CHST5: variants seen among roughly 807,000 people sequenced by gnomAD.
CHST5 encodes the protein carbohydrate sulfotransferase 5.
For missense variants in CHST5, 637 were observed against 602.1 expected (o/e 1.06, Z -0.61); for synonymous variants, 313 against 279.2 (o/e 1.12, Z -1.21).
At chr16:75,532,551 C>A (rs1020708854) in intron 3 of CHST5, among the ~76,000 whole-genome samples, 3 of 152,252 alleles carry the variant, frequency 2.0e-5, no homozygotes, top group Middle Eastern at 3.4e-3. Context: ...CGCCTCAATG[C>A]GGGGACAGGA....
At position 75,531,347 on chromosome 16, in the gene CHST5, A is replaced by C. The variant is rs908020129; in HGVS notation, c.-963T>G. The C allele has an allele frequency of 6.6e-6, 7 of 1,056,426 alleles. No individual in the cohort carries two copies. Among genetic ancestry groups the C allele is most frequent in the East Asian group, 2.1e-4 (2 of 9,382 alleles). 65.4% of individuals were successfully genotyped at this position (1,056,426 alleles called of 1,614,324 possible). ...AAAAAAAAAAAAAAAACAACAAAAA[A>C]AAAACTTTTGTCATTAAAGATAAAC... On this transcript the variant is annotated 5_prime_UTR_variant, in exon 4 of 4. Transcript: ENST00000336257.
chr16:75,535,951 C>T (rs1236031057), intron 1 of CHST5, among the ~76,000 whole-genome samples, 93 bp downstream of exon 1: 1 of 152,228 alleles, frequency 6.6e-6, no homozygotes, highest in Non-Finnish European at 1.5e-5. Flanking sequence ...TCTTGGCCCT[C>T]CTCGCTCTTG....
rs534955097 is a variant in CHST5 at position 75,530,058 on chromosome 16, C to T, written c.327G>A (p.Thr109=). The T allele has an allele frequency of 5.0e-6, 8 of 1,613,286 alleles. No homozygotes were observed. In the East Asian group the frequency reaches 8.9e-5, roughly 18 times the overall value. The change falls in exon 4 of 4, where the codon ACG becomes ACA. Residue 109 remains threonine (T), a synonymous_variant. Transcript: ENST00000336257. The part of the protein sequence containing the change: ...WTTLSQGSAA[T]LHMAVRDLMR... ...TCAGGTCGCGCACGGCCATGTGCAG[C>T]GTTGCCGCGCTGCCCTGCGACAGGG...
Position 75,531,460 on chromosome 16 carries a change from G to A in CHST5, c.-1076C>T, listed in dbSNP as rs1023628197. On this transcript the variant is annotated 5_prime_UTR_variant, in exon 4 of 4. Coordinates refer to ENST00000336257, the MANE Select transcript of CHST5 (RefSeq NM_024533.5). The stretch of plus-strand genomic sequence containing the variant: ...TAGGCAGCATGGGCTCCAGAAGGAG[G>A]GTGTCCTGGAGCCCTGTGGGTTTGC... 2 of 1,256,422 alleles carry A rather than the reference G, an allele frequency of 1.6e-6. No homozygotes were observed. The highest frequency in any genetic ancestry group is 1.5e-5 in the African/African-American group (1 of 64,884). The allele number at this position is 1,256,422 out of a possible 1,614,324, so 77.8% of individuals were successfully genotyped here.
chr16:75,530,001 C>G lies in CHST5; in HGVS notation c.384G>C (p.Val128=), dbSNP rs570427792. ...GGCTCTGTGGCATGTAGGCATCAAA[C>G]ACGTCCATGTCGCACAAAAAGATAG... ...MRSIFLCDMD[V]FDAYMPQSRN... Residue 128 remains valine, a synonymous_variant, in exon 4 of 4, where the codon GTG becomes GTC. Coordinates refer to ENST00000336257, the MANE Select transcript of CHST5 (RefSeq NM_024533.5). 6.8e-6 allele frequency: 11 copies of G among 1,613,374 alleles called. No homozygotes were observed. The highest frequency in any genetic ancestry group is 9.3e-6 in the Non-Finnish European group (11 of 1,179,976).
At chr16:75,531,704 C>T (rs1354845036) in intron 3 of CHST5, 64 bp from the exon 4 acceptor site, 3 of 1,197,098 alleles carry the variant, frequency 2.5e-6, no homozygotes, top group Non-Finnish European at 3.4e-6. Context: ...ACATAGAAAG[C>T]TCCCCAGGGT....
At position 75,530,492 on chromosome 16, in the gene CHST5, C is replaced by A. The variant is rs542656962; in HGVS notation, c.-108G>T. On this transcript the variant is annotated 5_prime_UTR_variant, in exon 4 of 4. Transcript: ENST00000336257. ...CCAAGGTCTCAGTCGAGCACTTTCC[C>A]AGGAATACGGAGTCAAGACATAGGC... The A allele has an allele frequency of 4.1e-6, 6 of 1,450,080 alleles. No homozygotes were observed. In the East Asian group the frequency reaches 1.5e-4, roughly 36 times the overall value. The allele number at this position is 1,450,080 out of a possible 1,614,324, so 89.8% of individuals were successfully genotyped here.
In CHST5 at chr16:75,529,056, G is replaced by T. The variant is rs990904239; in HGVS notation, c.*93C>A. The stretch of plus-strand genomic sequence containing the variant: ...AACTCCCGGTTGATAGTAGGGACCT[G>T]CTTCCCCATGCGCCCCAGCTCCCTC... On this transcript the variant is annotated 3_prime_UTR_variant, in exon 4 of 4. Transcript: ENST00000336257. The T allele has an allele frequency of 5.8e-6, 8 of 1,378,892 alleles. No individual in the cohort carries two copies. Among genetic ancestry groups the T allele is most frequent in the Middle Eastern group, 2.7e-4 (1 of 3,750 alleles). 85.4% of individuals were successfully genotyped at this position (1,378,892 alleles called of 1,614,324 possible). A position where few individuals can be genotyped will look rare whatever the true frequency, so the allele number is the denominator to read the frequency against.
intron 3 of CHST5, among the ~76,000 whole-genome samples, chr16:75,532,082 G>A (rs974779339): frequency 2.0e-5 from 3 of 152,114 alleles, no homozygotes; most frequent in African/African-American, 7.2e-5. Flanking sequence ...TGAGGGGAGG[G>A]CCTGGGGAAG....
chr16:75,529,392 C>G lies in CHST5; in HGVS notation c.993G>C (p.Gly331=), dbSNP rs1298745334. The G allele has an allele frequency of 6.2e-7, 1 of 1,612,964 alleles. No homozygotes were observed. The highest frequency in any genetic ancestry group is 1.3e-5 in the African/African-American group (1 of 74,954). The change falls in exon 4 of 4, where the codon GGG becomes GGC. Residue 331 remains glycine, a synonymous_variant. Transcript: ENST00000336257. ...CCTCGATTGGCTTGCCGATCCCCGA[C>G]CCGTGGGTGATGTTGTGGATCCAGG... ...LEAWIHNITH[G]SGIGKPIEAF... is the part of the protein sequence containing the mutation.
rs935003048 is a variant in CHST5 at position 75,536,062 on chromosome 16, C to T, written c.-1653G>A. 3.9e-5 allele frequency among the ~76,000 whole-genome samples: 6 copies of T among 152,200 alleles called. No individual in the cohort carries two copies. The highest frequency in any genetic ancestry group is 2.6e-4 in the Admixed American group (4 of 15,284). On this transcript the variant is annotated 5_prime_UTR_variant, in exon 1 of 4. Transcript: ENST00000336257. ...CAGGCACCTTGATGACACAGGAATC[C>T]GTGCTGCCTCCCGGTGCAGTGTCCC...
chr16:75,533,502 C>A (rs1349506894), intron 2 of CHST5, among the ~76,000 whole-genome samples: 1 of 152,120 alleles, frequency 6.6e-6, no homozygotes, highest in African/African-American at 2.4e-5. Flanking sequence ...AAGGACTGTC[C>A]CCTTCCCCTC....
In CHST5 at chr16:75,529,489, G is replaced by T. The variant is rs373992894; in HGVS notation, c.896C>A (p.Ala299Glu). The change falls in exon 4 of 4, where the codon GCG becomes GAG. Residue 299 changes from alanine (A) to glutamate (E), a missense_variant. Physicochemically the swap from Ala to Glu is moderately radical, Grantham distance 107. Coordinates refer to ENST00000336257, the MANE Select transcript of CHST5 (RefSeq NM_024533.5). ...GCGGATCTCTGCCAGCGGCTCCCGCGCCAGGTCCTCGAAGCGCACCAGGCG... is the reference window on the plus strand; with the variant it reads ...GCGGATCTCTGCCAGCGGCTCCCGCTCCAGGTCCTCGAAGCGCACCAGGCG... ...RYRLVRFEDL[A>E]REPLAEIRAL... 2 of 1,611,722 alleles carry T rather than the reference G, an allele frequency of 1.2e-6. No individual in the cohort carries two copies. The highest frequency in any genetic ancestry group is 1.7e-6 in the Non-Finnish European group (2 of 1,179,778).
chr16:75,529,067 C>A lies in CHST5; in HGVS notation c.*82G>T, dbSNP rs970763378. The A allele has an allele frequency of 4.9e-6, 7 of 1,434,010 alleles. No homozygotes were observed. In the African/African-American group the frequency reaches 5.7e-5, roughly 12 times the overall value. 88.8% of individuals were successfully genotyped at this position (1,434,010 alleles called of 1,614,324 possible). A position where few individuals can be genotyped will look rare whatever the true frequency, so the allele number is the denominator to read the frequency against. On this transcript the variant is annotated 3_prime_UTR_variant, in exon 4 of 4. Transcript: ENST00000336257. ...GATAGTAGGGACCTGCTTCCCCATG[C>A]GCCCCAGCTCCCTCTCCACCATGCA... is the stretch of plus-strand genomic sequence containing the variant.
intron 2 of CHST5, among the ~76,000 whole-genome samples, chr16:75,533,554 T>G (rs1327699495): frequency 6.6e-6 from 1 of 152,142 alleles, no homozygotes; most frequent in Non-Finnish European, 1.5e-5. Context: ...GGGCACATAT[T>G]TATTACATGT....
rs764929354 is a variant in CHST5 at position 75,529,751 on chromosome 16, C to A, written c.634G>T (p.Asp212Tyr). 6.8e-6 allele frequency: 11 copies of A among 1,613,220 alleles called. No homozygotes were observed. Among genetic ancestry groups the A allele is most frequent in the Admixed American group, 5.0e-5 (3 of 59,984 alleles). ...ACGATGCGCAGGTTGAGCGCGGGGTCGCTGAGCAGCGGGTAGAGCACCTGC... is the reference window on the plus strand; with the variant it reads ...ACGATGCGCAGGTTGAGCGCGGGGTAGCTGAGCAGCGGGTAGAGCACCTGC... The part of the protein sequence containing the change: ...NLQVLYPLLS[D>Y]PALNLRIVHL... The change falls in exon 4 of 4, where the codon GAC becomes TAC. Residue 212 changes from aspartate to tyrosine, a missense_variant. Coordinates refer to ENST00000336257, the MANE Select transcript of CHST5 (RefSeq NM_024533.5).
intron 3 of CHST5, among the ~76,000 whole-genome samples, chr16:75,532,414 G>A (rs996347883): frequency 6.6e-6 from 1 of 152,158 alleles, no homozygotes; most frequent in African/African-American, 2.4e-5. Flanking sequence ...CTTTGGAAGG[G>A]AGGAGCCTGG....
At chr16:75,535,676 C>T (rs1290905697) in intron 1 of CHST5, among the ~76,000 whole-genome samples, 2 of 152,170 alleles carry the variant, frequency 1.3e-5, no homozygotes, top group Admixed American at 1.3e-4. Context: ...GCAGGTTTTG[C>T]CCCCAGCTCC....
Position 75,530,591 on chromosome 16 carries a change from C to A in CHST5, c.-207G>T, listed in dbSNP as rs1223831390. Reference sequence around the variant, plus strand: ...GGGATATCATCAAACTGTCTACCTACCCACCCACCCACCTACTTACATACC... The same window carrying A: ...GGGATATCATCAAACTGTCTACCTAACCACCCACCCACCTACTTACATACC... On this transcript the variant is annotated 5_prime_UTR_variant, in exon 4 of 4. Coordinates refer to ENST00000336257, the MANE Select transcript of CHST5 (RefSeq NM_024533.5). 2 of 1,419,736 alleles carry A rather than the reference C, an allele frequency of 1.4e-6. No homozygotes were observed. Among genetic ancestry groups the A allele is most frequent in the East Asian group, 2.6e-5 (1 of 38,850 alleles). The allele number at this position is 1,419,736 out of a possible 1,614,324, so 87.9% of individuals were successfully genotyped here. A position where few individuals can be genotyped will look rare whatever the true frequency, so the allele number is the denominator to read the frequency against.
Sources: gnomAD v4.1 joint callset for allele counts (sites outside exome capture counted in the v4.1 genomes callset) on GRCh38, gnomAD v4.1.1 for gene constraint, MANE v1.5 for transcripts, NCBI Gene and HGNC (gene_info 2026-07-23, HGNC 2026-07-21) for gene names.